Variants in PCLO observed in about 807,000 individuals in gnomAD.
PCLO encodes piccolo presynaptic cytomatrix protein, also known as protein piccolo.
In PCLO, 82 loss-of-function variants were observed where a neutral mutation model predicts 427.5. The observed-to-expected ratio is 0.19, with a 90% CI of 0.16 to 0.23. PCLO has a LOEUF of 0.23. Ranked by LOEUF, PCLO falls within the 10% of genes least tolerant of loss-of-function variation. PCLO has a pLI of 1.00. For missense variants in PCLO, 6,239 were observed against 6,115.9 expected (o/e 1.02, Z -0.67); for synonymous variants, 2,357 against 2,155.4 (o/e 1.09, Z -2.59).
chr7:82,767,029 G>A (rs564294203), intron 22 of PCLO, among the ~76,000 whole-genome samples: 4 of 152,220 alleles, frequency 2.6e-5, no homozygotes, highest in African/African-American at 7.2e-5. Context: ...GGTTTGTAAT[G>A]CTTTTGTCTT....
At chr7:83,119,821 C>CGG (rs1331948799) in intron 3 of PCLO, among the ~76,000 whole-genome samples, 92 of 84,968 alleles carry the variant, frequency 1.1e-3, no homozygotes, top group Non-Finnish European at 1.7e-3. Flanking sequence ...AGAATCCTAT[C>CGG]AGAAAAAAAA....
chr7:82,997,028 A>T (rs185018438), intron 3 of PCLO, among the ~76,000 whole-genome samples: 1 of 152,128 alleles, frequency 6.6e-6, no homozygotes, highest in Admixed American at 6.6e-5. Context: ...ACCTAGAATT[A>T]ATTTTAAATC....
chr7:83,134,472 C>CT lies in PCLO; in HGVS notation c.3077dup (p.Pro1027AlafsTer5). The CT allele has an allele frequency of 6.2e-7, 1 of 1,613,236 alleles. No individual in the cohort carries two copies. On this transcript the variant is annotated frameshift_variant, in exon 3 of 25. Transcript: ENST00000333891. LOFTEE classifies it high-confidence loss of function. Reference sequence around the variant, plus strand: ...ATTTGCTATCCTTAATAGGTGGTGGCTTTTTTTCTGTTTCTGTTCTTTTTA... The same window carrying CT: ...ATTTGCTATCCTTAATAGGTGGTGGCTTTTTTTTCTGTTTCTGTTCTTTTTA...
At chr7:83,123,830 G>C (rs1158389208) in intron 3 of PCLO, among the ~76,000 whole-genome samples, 1 of 151,096 alleles carries the variant, frequency 6.6e-6, no homozygotes, top group African/African-American at 2.4e-5. Flanking sequence ...AGTGGCTCAC[G>C]CCTGTGATCC....
At chr7:82,781,783 G>A (rs747159020) in intron 22 of PCLO, among the ~76,000 whole-genome samples, 1 of 152,106 alleles carries the variant, frequency 6.6e-6, no homozygotes, top group Non-Finnish European at 1.5e-5. Context: ...GTCCCACCCT[G>A]TACTCTGTGG....
chr7:82,861,776 A>G (rs1422141367), intron 10 of PCLO, among the ~76,000 whole-genome samples: 1 of 151,958 alleles, frequency 6.6e-6, no homozygotes, highest in African/African-American at 2.4e-5. Context: ...ATCACCAAGT[A>G]TTTTCTCTTA....
Position 82,823,933 on chromosome 7 carries a change from GC to G in PCLO, c.14596+302del, listed in dbSNP as rs1584013438. Among the ~76,000 whole-genome samples, 3 of 152,048 alleles carry G rather than the reference GC, an allele frequency of 2.0e-5. No individual in the cohort carries two copies. The South Asian group carries it at 6.2e-4, about 32-fold the overall frequency. ...TATTATCTTTATGAAATACCCAAAT[GC>G]ATTTTCTGAAATCATGTTATCATGG... On this transcript the variant is annotated intron_variant, in intron 19 of 24. Coordinates refer to ENST00000333891, the MANE Select transcript of PCLO (RefSeq NM_033026.6).
intron 3 of PCLO, among the ~76,000 whole-genome samples, chr7:83,039,606 T>G (rs1327317772): frequency 6.6e-6 from 1 of 152,130 alleles, no homozygotes; most frequent in African/African-American, 2.4e-5. Context: ...TGCTGCTTTG[T>G]AGTAAGTTTT....
chr7:82,816,046 T>C (rs961594694), intron 20 of PCLO, among the ~76,000 whole-genome samples: 1 of 152,096 alleles, frequency 6.6e-6, no homozygotes, highest in Non-Finnish European at 1.5e-5. Flanking sequence ...TATATTTACA[T>C]GTACAGCACA....
intron 22 of PCLO, among the ~76,000 whole-genome samples, chr7:82,770,797 C>T (rs1249661478): frequency 2.6e-5 from 4 of 151,780 alleles, no homozygotes; most frequent in Non-Finnish European, 5.9e-5. Flanking sequence ...ACTATATCCT[C>T]GAGTAGCAAA....
chr7:82,999,331 A>T (rs1787719638), intron 3 of PCLO, among the ~76,000 whole-genome samples: 1 of 135,342 alleles, frequency 7.4e-6, no homozygotes, highest in African/African-American at 3.0e-5. Context: ...TGTAATAAAT[A>T]TATCCATATA....
chr7:82,820,773 A>C, intron 20 of PCLO: 4 of 1,231,504 alleles, frequency 3.2e-6, no homozygotes, highest in Non-Finnish European at 4.0e-6. Context: ...GAGCAATTTA[A>C]ACTTTTATCA....
At chr7:82,776,895 TATAG>T (rs564886924) in intron 22 of PCLO, among the ~76,000 whole-genome samples, 60 of 149,650 alleles carry the variant, frequency 4.0e-4, no homozygotes, top group African/African-American at 1.2e-3. Context: ...TGTGTGTATA[TATAG>T]ATATACGCAC....
intron 3 of PCLO, among the ~76,000 whole-genome samples, chr7:83,117,360 A>C (rs1194329058): frequency 6.6e-6 from 1 of 152,144 alleles, no homozygotes; most frequent in African/African-American, 2.4e-5. Flanking sequence ...GTGCACTTTC[A>C]ATTTTCACCT....
At chr7:82,862,277 T>C (rs1485163276) in intron 10 of PCLO, among the ~76,000 whole-genome samples, 2 of 151,848 alleles carry the variant, frequency 1.3e-5, no homozygotes, top group African/African-American at 2.4e-5. Context: ...TAAAATGGCT[T>C]ATGTCCAAAA....
intron 2 of PCLO, among the ~76,000 whole-genome samples, chr7:83,149,029 A>C (rs1792064731): frequency 6.6e-6 from 1 of 152,182 alleles, no homozygotes; most frequent in African/African-American, 2.4e-5. Context: ...GTGGGAGAGA[A>C]GCATCACCTC....
chr7:82,946,110 TA>T (rs1795194621), intron 6 of PCLO, among the ~76,000 whole-genome samples: 1 of 152,090 alleles, frequency 6.6e-6, no homozygotes, highest in African/African-American at 2.4e-5. Flanking sequence ...TATATAAAAA[TA>T]AACAAAGTGA....
chr7:82,780,090 A>G (rs1790840874), intron 22 of PCLO, among the ~76,000 whole-genome samples: 1 of 152,182 alleles, frequency 6.6e-6, no homozygotes, highest in African/African-American at 2.4e-5. Flanking sequence ...ATGCTGTACT[A>G]CATTTGGTTG....
At chr7:82,946,716 C>T (rs1795212757) in intron 6 of PCLO, among the ~76,000 whole-genome samples, 1 of 152,126 alleles carries the variant, frequency 6.6e-6, no homozygotes, top group Non-Finnish European at 1.5e-5. Flanking sequence ...GGTCATGAAA[C>T]AAGCAGAGAT....
Sources: gnomAD v4.1 joint callset for allele counts (sites outside exome capture counted in the v4.1 genomes callset) on GRCh38, gnomAD v4.1.1 for gene constraint, MANE v1.5 for transcripts, NCBI Gene and HGNC (gene_info 2026-07-23, HGNC 2026-07-21) for gene names.